SFXN1: variants seen among roughly 807,000 people sequenced by gnomAD.
The protein encoded by SFXN1 is sideroflexin 1.
In SFXN1, 32 loss-of-function variants were observed where a neutral mutation model predicts 39.5. The ratio of observed to expected loss-of-function variants is 0.81; its 90% CI spans 0.61 to 1.09. The LOEUF (loss-of-function observed/expected upper bound fraction) is 1.09. Among genes scored for constraint, SFXN1 ranks in the 50% least tolerant of loss-of-function variants. SFXN1 has a pLI of 0.00. For synonymous variants in SFXN1, 136 were observed against 146.5 expected (o/e 0.93, Z 0.52); for missense variants, 402 against 407.1 (o/e 0.99, Z 0.11).
intron 1 of SFXN1, chr5:175,491,412 G>T (rs1385870825): frequency 6.6e-6 from 1 of 151,450 alleles, no homozygotes; most frequent in African/African-American, 2.4e-5. Context: ...TTTGACGTTG[G>T]TTGTTTCACT....
intron 1 of SFXN1, among the ~76,000 whole-genome samples, chr5:175,484,770 G>T (rs755500124): frequency 2.6e-5 from 4 of 152,218 alleles, no homozygotes; most frequent in Admixed American, 6.5e-5. Flanking sequence ...ATGTTGCCCA[G>T]TGTGGTCTCC....
chr5:175,521,800 C>T (rs765291763), intron 8 of SFXN1, 119 bp from the exon 9 acceptor site: 3 of 777,346 alleles, frequency 3.9e-6, no homozygotes, highest in Admixed American at 4.7e-5. Flanking sequence ...CCAAATTTCA[C>T]TAACCATGTT....
In SFXN1 at chr5:175,529,665, G is replaced by A. The variant is rs890841163; in HGVS notation, c.*2931G>A. 11 of 152,178 alleles carry A rather than the reference G, an allele frequency of 7.2e-5. No individual in the cohort carries two copies. Among genetic ancestry groups the A allele is most frequent in the South Asian group, 2.1e-4 (1 of 4,826 alleles). The allele number at this position is 152,178 out of a possible 1,614,324, so 9.4% of individuals were successfully genotyped here. A position where few individuals can be genotyped will look rare whatever the true frequency, so the allele number is the denominator to read the frequency against. On this transcript the variant is annotated 3_prime_UTR_variant, in exon 11 of 11. Coordinates refer to ENST00000321442, the MANE Select transcript of SFXN1 (RefSeq NM_022754.7). ...GCTTTTATTTCAGTATTAGCACAGC[G>A]TCTTGCCAGTGTTGGAGGCCATGTA...
Position 175,509,967 on chromosome 5 carries a change from A to G in SFXN1, c.336-142A>G, listed in dbSNP as rs1170993097. On this transcript the variant is annotated intron_variant, in intron 3 of 10. Coordinates refer to ENST00000321442, the MANE Select transcript of SFXN1 (RefSeq NM_022754.7). ...CAGAGGATAAAAGCTTGCCCAGCAC[A>G]CAGATCCTAAGCCTGTGTGGCCTTA... is the stretch of plus-strand genomic sequence containing the variant. 9.5e-6 allele frequency: 6 copies of G among 631,274 alleles called. No homozygotes were observed. In the East Asian group the frequency reaches 1.7e-4, roughly 18 times the overall value. The allele number at this position is 631,274 out of a possible 1,614,324, so 39.1% of individuals were successfully genotyped here.
intron 5 of SFXN1, 59 bp from the exon 6 acceptor site, chr5:175,512,052 T>C (rs1760537552): frequency 2.1e-6 from 3 of 1,462,368 alleles, no homozygotes; most frequent in East Asian, 2.3e-5. Context: ...AAATAAGTTA[T>C]TTCCATTTAC....
chr5:175,503,480 T>C (rs1019761849), intron 2 of SFXN1, among the ~76,000 whole-genome samples: 1 of 152,196 alleles, frequency 6.6e-6, no homozygotes, highest in African/African-American at 2.4e-5. Context: ...ATTTAGGACA[T>C]TTATTAGTGT....
intron 1 of SFXN1, among the ~76,000 whole-genome samples, chr5:175,480,366 A>T (rs926098416): frequency 6.6e-6 from 1 of 151,680 alleles, no homozygotes; most frequent in South Asian, 2.1e-4. Flanking sequence ...GCGCCACTGC[A>T]CTCCAGCCTG....
rs1761127761 is a variant in SFXN1, at chr5:175,528,121, C to CTA, written c.*1388_*1389insAT. 1 of 152,050 alleles carries CTA rather than the reference C, an allele frequency of 6.6e-6. No homozygotes were observed. Among genetic ancestry groups the CTA allele is most frequent in the Middle Eastern group, 3.2e-3 (1 of 316 alleles). 9.4% of individuals were successfully genotyped at this position (152,050 alleles called of 1,614,324 possible). A position where few individuals can be genotyped will look rare whatever the true frequency, so the allele number is the denominator to read the frequency against. On this transcript the variant is annotated 3_prime_UTR_variant, in exon 11 of 11. Transcript: ENST00000321442. Reference sequence around the variant, plus strand: ...TATTTTTAGTAGAGACGGGGTTTCACTGTGGTCTCGATCTCCTGACCTCGT... The same window carrying CTA: ...TATTTTTAGTAGAGACGGGGTTTCACTATGTGGTCTCGATCTCCTGACCTCGT...
Position 175,524,120 on chromosome 5 carries a change from AAAAAAATATATATATATATATATATATAT to A in SFXN1, c.872+1700_872+1728del, listed in dbSNP as rs1298766279. On this transcript the variant is annotated intron_variant, in intron 10 of 10. Transcript: ENST00000321442. ...TTCTGTCTCAAAAAAAAAAAAAAAAAAAAAAATATATATATATATATATATATATATATATATATATATATATATATCTC... is the reference window on the plus strand; with the variant it reads ...TTCTGTCTCAAAAAAAAAAAAAAAAAATATATATATATATATATATATCTC... The A allele has an allele frequency of 1.1e-3, 42 of 38,056 alleles. 2 individuals are homozygous for A. Among genetic ancestry groups the A allele is most frequent in the South Asian group, 3.2e-3 (2 of 626 alleles). 2.4% of individuals were successfully genotyped at this position (38,056 alleles called of 1,614,324 possible).
chr5:175,505,335 G>A (rs1760246970), intron 2 of SFXN1, among the ~76,000 whole-genome samples: 1 of 151,504 alleles, frequency 6.6e-6, no homozygotes, highest in Non-Finnish European at 1.5e-5. Flanking sequence ...AAGAGTTCAA[G>A]ACCAGCCTGG....
At chr5:175,516,501 A>G (rs1172188639) in intron 7 of SFXN1, 113 bp from the exon 8 acceptor site, 3 of 823,938 alleles carry the variant, frequency 3.6e-6, no homozygotes, top group African/African-American at 3.5e-5. Flanking sequence ...TTTTACTGTG[A>G]CAGTGGAAAT....
chr5:175,481,605 C>T (rs868246567), intron 1 of SFXN1, among the ~76,000 whole-genome samples: 19 of 152,284 alleles, frequency 1.2e-4, no homozygotes, highest in Admixed American at 3.3e-4. Flanking sequence ...TGAGCCACCG[C>T]GCCTGGCACA....
At position 175,501,954 on chromosome 5, in the gene SFXN1, C is replaced by T. The variant is rs184439111; in HGVS notation, c.165-7078C>T. ...TTATTATTATTCAAATCAGTCTCCC[C>T]GACTGATTCGGTGATCAGAGTTTTT... On this transcript the variant is annotated intron_variant, in intron 2 of 10. Coordinates refer to ENST00000321442, the MANE Select transcript of SFXN1 (RefSeq NM_022754.7). 6.5e-4 allele frequency among the ~76,000 whole-genome samples: 99 copies of T among 152,220 alleles called. 1 individual carries two copies. Among genetic ancestry groups the T allele is most frequent in the Non-Finnish European group, 1.0e-4 (7 of 68,018 alleles).
chr5:175,522,105 A>G, intron 9 of SFXN1, 137 bp downstream of exon 9: 2 of 697,198 alleles, frequency 2.9e-6, no homozygotes, highest in Non-Finnish European at 4.6e-6. Flanking sequence ...ATGGCCCCAA[A>G]TAATTAAATA....
intron 8 of SFXN1, among the ~76,000 whole-genome samples, chr5:175,521,553 C>T (rs771704426): frequency 6.6e-6 from 1 of 152,202 alleles, no homozygotes; most frequent in Non-Finnish European, 1.5e-5. Flanking sequence ...AGGAACTAAC[C>T]AGAAGGCGGG....
intron 2 of SFXN1, among the ~76,000 whole-genome samples, chr5:175,505,588 G>T (rs1006360389): frequency 1.5e-5 from 2 of 131,306 alleles, no homozygotes; most frequent in Non-Finnish European, 3.5e-5. Flanking sequence ...AGGTTTATCT[G>T]GGAGAATAAA....
At chr5:175,508,644 A>AG (rs1760398966) in intron 2 of SFXN1, among the ~76,000 whole-genome samples, 1 of 137,790 alleles carries the variant, frequency 7.3e-6, no homozygotes, top group African/African-American at 3.2e-5. Context: ...GGTGAGCATA[A>AG]ATTTTTTTTT....
At chr5:175,487,057 C>T (rs1472534175) in intron 1 of SFXN1, among the ~76,000 whole-genome samples, 1 of 152,126 alleles carries the variant, frequency 6.6e-6, no homozygotes, top group Non-Finnish European at 1.5e-5. Context: ...GGGAACATCA[C>T]AGATCACCTA....
At chr5:175,488,568 G>C (rs918719869) in intron 1 of SFXN1, among the ~76,000 whole-genome samples, 1 of 152,074 alleles carries the variant, frequency 6.6e-6, no homozygotes, top group African/African-American at 2.4e-5. Context: ...CAAAGTGCTG[G>C]GATTACAGGT....
Sources: allele counts gnomAD v4.1 joint callset (sites outside exome capture counted in the v4.1 genomes callset), GRCh38; gene constraint gnomAD v4.1.1; transcripts MANE v1.5; gene names NCBI Gene and HGNC (gene_info 2026-07-23, HGNC 2026-07-21).